Variants in LRP5 observed in about 807,000 individuals in gnomAD.
LRP5 encodes the protein LDL receptor related protein 5, also known as low-density lipoprotein receptor-related protein 5.
A neutral mutation model predicts 154.1 loss-of-function variants in LRP5; 62 were observed. That is an observed-to-expected ratio of 0.40 (90% CI 0.33 to 0.50). The LOEUF is 0.50. Among genes scored for constraint, LRP5 ranks in the 20% least tolerant of loss-of-function variants. LRP5 has a pLI of 0.55. For synonymous variants in LRP5, 966 were observed against 1,011.5 expected, an observed-to-expected ratio of 0.96 and a Z score of 0.85; for missense variants, 1,915 against 2,336.7, an observed-to-expected ratio of 0.82 and a Z score of 3.72.
At chr11:68,331,759 G>A (rs2153119627) in intron 1 of LRP5, among the ~76,000 whole-genome samples, 1 of 152,028 alleles carries the variant, frequency 6.6e-6, no homozygotes, top group South Asian at 2.1e-4. Flanking sequence ...GTGTGTGTGT[G>A]TGTGTGTGTG....
chr11:68,390,704 C>T (rs314774), intron 7 of LRP5, among the ~76,000 whole-genome samples: 1,628 of 75,504 alleles, frequency 0.022, 2 homozygotes, highest in African/African-American at 0.065. Flanking sequence ...CTCGCCCTGC[C>T]GCTGTGGTCG....
chr11:68,422,526 A>G (rs935149417), intron 13 of LRP5, among the ~76,000 whole-genome samples: 13 of 152,150 alleles, frequency 8.5e-5, no homozygotes, highest in Non-Finnish European at 1.5e-4. Flanking sequence ...CAGCTCAGTA[A>G]GAGCCCTTCG....
intron 20 of LRP5, among the ~76,000 whole-genome samples, chr11:68,439,204 T>C (rs1385325774): frequency 6.6e-6 from 1 of 152,122 alleles, no homozygotes; most frequent in Non-Finnish European, 1.5e-5. Flanking sequence ...TGGGTGACCA[T>C]GGTATGTCTA....
intron 5 of LRP5, among the ~76,000 whole-genome samples, chr11:68,366,562 C>T (rs1442804635): frequency 9.2e-5 from 14 of 151,994 alleles, no homozygotes; most frequent in Admixed American, 5.9e-4. Context: ...TCGTGGCGCC[C>T]GTGGCGTGTG....
chr11:68,367,194 G>A (rs1171138782), intron 5 of LRP5, among the ~76,000 whole-genome samples: 10 of 152,208 alleles, frequency 6.6e-5, no homozygotes, highest in Admixed American at 6.5e-4. Flanking sequence ...CCTCCTGAGT[G>A]ACCTGGCGAC....
In LRP5 at chr11:68,426,060, C is replaced by T. The variant is rs529725269; in HGVS notation, c.3510C>T (p.Ile1170=). 8.1e-6 allele frequency: 13 copies of T among 1,613,706 alleles called. No homozygotes were observed. Among genetic ancestry groups the T allele is most frequent in the East Asian group, 2.2e-5 (1 of 44,886 alleles). ...TCCTTGGCAAGCATCTCTACTGGAT[C>T]GACCGCCAGCAGCAGATGATCGAGC... ...LTILGKHLYW[I]DRQQQMIERV... Residue 1170 remains isoleucine, a synonymous_variant, in exon 16 of 23, where the codon ATC becomes ATT. Transcript: ENST00000294304.
chr11:68,393,802 T>A (rs960090539), intron 7 of LRP5, among the ~76,000 whole-genome samples: 1 of 152,086 alleles, frequency 6.6e-6, no homozygotes, highest in African/African-American at 2.4e-5. Context: ...AAAATAAAAA[T>A]AAATAAAAAT....
chr11:68,408,811 G>A (rs1331637767), intron 9 of LRP5, among the ~76,000 whole-genome samples: 1 of 151,820 alleles, frequency 6.6e-6, no homozygotes, highest in African/African-American at 2.4e-5. Flanking sequence ...ACTTTGAGAG[G>A]GTGAGGCAGG....
the LRP5 span, among the ~76,000 whole-genome samples, chr11:68,306,904 C>G: frequency 6.6e-6 from 1 of 152,170 alleles, no homozygotes; most frequent in African/African-American, 2.4e-5. Flanking sequence ...AGGGTGACAG[C>G]CGAGGTGAGT....
chr11:68,425,412 T>G, intron 15 of LRP5, 120 bp downstream of exon 15: 1 of 1,060,210 alleles, frequency 9.4e-7, no homozygotes, highest in South Asian at 1.5e-5. Context: ...GGGCTTTGTG[T>G]GTAGCGTGTT....
At chr11:68,352,151 CG>C (rs2098619225) in intron 2 of LRP5, among the ~76,000 whole-genome samples, 1 of 152,136 alleles carries the variant, frequency 6.6e-6, no homozygotes, top group South Asian at 2.1e-4. Context: ...CGGTTATTAC[CG>C]GGATCCTGGC....
chr11:68,354,473 G>A lies in LRP5; in HGVS notation c.489-3177G>A, dbSNP rs141464751. Among the ~76,000 whole-genome samples the A allele has an allele frequency of 3.3e-5, 5 of 152,336 alleles. No individual in the cohort carries two copies. The East Asian group carries it at 9.6e-4, about 29-fold the overall frequency. ...AAGGCCTGTGTGGATTCCCCCCCAA[G>A]TCCAGACTGATGCCCCTGATACCTT... On this transcript the variant is annotated intron_variant, in intron 2 of 22. Transcript: ENST00000294304.
intron 2 of LRP5, among the ~76,000 whole-genome samples, chr11:68,355,814 A>G (rs1259928203): frequency 6.6e-6 from 1 of 151,268 alleles, no homozygotes; most frequent in Non-Finnish European, 1.5e-5. Context: ...CTGCAGCTGC[A>G]GGTTCAGGGT....
chr11:68,356,077 C>G (rs958263127), intron 2 of LRP5, among the ~76,000 whole-genome samples: 1 of 151,242 alleles, frequency 6.6e-6, no homozygotes, highest in Non-Finnish European at 1.5e-5. Flanking sequence ...ATCTCCTGAC[C>G]TCGTGATCCG....
At chr11:68,308,923 ATT>A (rs34529621), upstream of LRP5, among the ~76,000 whole-genome samples, 18,275 of 73,980 alleles carry the variant, frequency 0.25, 1,686 homozygotes, top group South Asian at 0.5. Flanking sequence ...TAATCAGCTA[ATT>A]TTTTTTTTTT....
At chr11:68,410,317 C>A (rs1276210309) in intron 10 of LRP5, among the ~76,000 whole-genome samples, 177 bp downstream of exon 10, 1 of 152,140 alleles carries the variant, frequency 6.6e-6, no homozygotes, top group Non-Finnish European at 1.5e-5. Context: ...CATGGAGTTC[C>A]TTCGTGGAGC....
At chr11:68,394,042 C>T (rs960141243) in intron 7 of LRP5, among the ~76,000 whole-genome samples, 2 of 152,188 alleles carry the variant, frequency 1.3e-5, no homozygotes, top group Non-Finnish European at 2.9e-5. Context: ...ACCCCACAGC[C>T]GACCAAGCTC....
At chr11:68,357,943 T>G (rs1409369608) in intron 3 of LRP5, 96 bp downstream of exon 3, 2 of 1,207,340 alleles carry the variant, frequency 1.7e-6, no homozygotes, top group Non-Finnish European at 2.4e-6. Context: ...GACTCTTCTC[T>G]GAAACTCTGG....
In LRP5 at chr11:68,347,413, G is replaced by A. The variant is rs572763466; in HGVS notation, c.92-434G>A. On this transcript the variant is annotated intron_variant, in intron 1 of 22. Coordinates refer to ENST00000294304, the MANE Select transcript of LRP5 (RefSeq NM_002335.4). ...AAAATGTGGCCCTGTGGCTGGGTCT[G>A]TAGCGAGCAGCATGGCCAGTGCTGT... 3.9e-5 allele frequency among the ~76,000 whole-genome samples: 6 copies of A among 152,360 alleles called. 1 individual carries two copies. In the South Asian group the frequency reaches 1.2e-3, roughly 32 times the overall value.
Sources: gnomAD v4.1 joint callset for allele counts (sites outside exome capture counted in the v4.1 genomes callset) on GRCh38, gnomAD v4.1.1 for gene constraint, MANE v1.5 for transcripts, NCBI Gene and HGNC (gene_info 2026-07-23, HGNC 2026-07-21) for gene names.